Variants in PPP1R12A observed in about 807,000 individuals in gnomAD.
The protein encoded by PPP1R12A is myosin binding subunit.
PPP1R12A carries 19 observed loss-of-function variants against 139.6 expected under a neutral mutation model. The ratio of observed to expected loss-of-function variants is 0.14; its 90% CI spans 0.09 to 0.20. The LOEUF is 0.20. Among genes scored for constraint, PPP1R12A ranks in the 10% least tolerant of loss-of-function variants. PPP1R12A has a pLI of 1.00. For synonymous variants in PPP1R12A, 427 were observed against 420.6 expected (o/e 1.02, Z -0.19); for missense variants, 925 against 1,211.5 (o/e 0.76, Z 3.51).
chr12:79,786,688 T>G, intron 21 of PPP1R12A: 1 of 355,690 alleles, frequency 2.8e-6, no homozygotes, highest in South Asian at 6.0e-5. Context: ...TTAGTTCCAG[T>G]ATTCAAAAAT....
chr12:79,803,342 G>A (rs1257219416), intron 14 of PPP1R12A, among the ~76,000 whole-genome samples: 1 of 152,072 alleles, frequency 6.6e-6, no homozygotes, highest in Non-Finnish European at 1.5e-5. Flanking sequence ...GCAAAGAGCT[G>A]ATCATTAAAA....
At chr12:79,862,541 A>C (rs1345359827) in intron 2 of PPP1R12A, among the ~76,000 whole-genome samples, 1 of 152,216 alleles carries the variant, frequency 6.6e-6, no homozygotes. Context: ...AGCATGTTCT[A>C]ACCCATAGCA....
intron 1 of PPP1R12A, among the ~76,000 whole-genome samples, chr12:79,885,432 T>G (rs184827682): frequency 8.7e-4 from 133 of 152,314 alleles, no homozygotes; most frequent in African/African-American, 2.8e-3. Flanking sequence ...TGCATTTTTA[T>G]CCCACTATAA....
At position 79,784,631 on chromosome 12, in the gene PPP1R12A, G is replaced by A. The variant is rs145197693; in HGVS notation, c.2907+1743C>T. Among the ~76,000 whole-genome samples the A allele has an allele frequency of 5.1e-3, 769 of 152,042 alleles. 4 individuals are homozygous for A. The highest frequency in any genetic ancestry group is 0.018 in the African/African-American group (729 of 41,500). On this transcript the variant is annotated intron_variant, in intron 22 of 24. Transcript: ENST00000450142. ...ACAGAACACTATAGTAGGGAGCAGT[G>A]GATATTTATTTATTTATTTATTTGA...
chr12:79,881,150 T>TAACC (rs2137378071), intron 1 of PPP1R12A, among the ~76,000 whole-genome samples: 1 of 152,188 alleles, frequency 6.6e-6, no homozygotes, highest in South Asian at 2.1e-4. Flanking sequence ...GACCAATGAA[T>TAACC]AACCCTACAA....
At position 79,798,562 on chromosome 12, in the gene PPP1R12A, C is replaced by T; in HGVS notation, c.2023G>A (p.Asp675Asn). 2 of 1,564,890 alleles carry T rather than the reference C, an allele frequency of 1.3e-6. No homozygotes were observed. The highest frequency in any genetic ancestry group is 2.3e-5 in the East Asian group (1 of 43,256). Residue 675 changes from aspartate to asparagine, a missense_variant, in exon 15 of 25, where the codon GAT (aspartate) becomes AAT (asparagine). Asp to Asn is a conservative substitution (Grantham distance 23). Around this residue, in one of 4 missense-constraint regions of PPP1R12A, gnomAD observed 8 missense variants for 32.0 expected, o/e 0.25. Transcript: ENST00000450142. Reference protein sequence around the residue: ...RRRSYLTPVRDEESESQRKAR... With the variant: ...RRRSYLTPVRNEESESQRKAR... ...TTTCTTTGGGATTCAGACTCTTCAT[C>T]CCTAACAGGAGTGAGGTATGATCTA...
intron 3 of PPP1R12A, among the ~76,000 whole-genome samples, chr12:79,844,776 A>G (rs1397563373): frequency 1.3e-5 from 2 of 152,088 alleles, no homozygotes; most frequent in Non-Finnish European, 2.9e-5. Context: ...ACCTCCTGCT[A>G]CTTCTGTGAC....
Position 79,809,996 on chromosome 12 carries a change from A to G in PPP1R12A, c.1254T>C (p.Ala418=). 1 of 1,611,738 alleles carries G rather than the reference A, an allele frequency of 6.2e-7. No individual in the cohort carries two copies. The highest frequency in any genetic ancestry group is 8.5e-7 in the Non-Finnish European group (1 of 1,178,978). Residue 418 remains alanine, a synonymous_variant, in exon 10 of 25, where the codon GCT becomes GCC. Transcript: ENST00000450142. ...TSPIKKFPTT[A]TKISPKEEER... ...CTTCTTCTTTGGGAGAAATTTTTGT[A>G]GCTGTGGTTGGAAACTGTGTTTATT...
intron 23 of PPP1R12A, chr12:79,779,617 T>C: frequency 3.1e-6 from 1 of 326,722 alleles, no homozygotes; most frequent in South Asian, 2.5e-5. Flanking sequence ...TTTCTTCTAC[T>C]AAATAATACA....
intron 19 of PPP1R12A, among the ~76,000 whole-genome samples, chr12:79,791,701 TTAGAG>T (rs1871890717): frequency 6.6e-6 from 1 of 152,232 alleles, no homozygotes; most frequent in Admixed American, 6.5e-5. Context: ...AAACCATTTT[TTAGAG>T]TATATAGTTC....
chr12:79,903,450 CA>C (rs35870019), intron 1 of PPP1R12A, among the ~76,000 whole-genome samples: 171 of 133,846 alleles, frequency 1.3e-3, no homozygotes, highest in Non-Finnish European at 1.3e-3. Flanking sequence ...GACTCCATCT[CA>C]AAAAAAAAAA....
intron 3 of PPP1R12A, 130 bp downstream of exon 3, chr12:79,845,172 T>C: frequency 4.4e-6 from 3 of 681,104 alleles, no homozygotes; most frequent in South Asian, 1.8e-5. Context: ...TACTGTACTA[T>C]TGTTTTGCAA....
chr12:79,888,487 A>G (rs989764952), intron 1 of PPP1R12A, among the ~76,000 whole-genome samples: 3 of 152,190 alleles, frequency 2.0e-5, no homozygotes, highest in Non-Finnish European at 2.9e-5. Context: ...AGGGGAAACA[A>G]CAGAGGGTTG....
At chr12:79,896,555 A>G (rs543846366) in intron 1 of PPP1R12A, among the ~76,000 whole-genome samples, 1 of 151,788 alleles carries the variant, frequency 6.6e-6, no homozygotes, top group African/African-American at 2.4e-5. Context: ...CTGGTCTCAA[A>G]CTCCTGGGCT....
intron 9 of PPP1R12A, among the ~76,000 whole-genome samples, chr12:79,812,849 T>C (rs1471245250): frequency 6.6e-6 from 1 of 152,192 alleles, no homozygotes; most frequent in Non-Finnish European, 1.5e-5. Flanking sequence ...TTCACAATTA[T>C]GTTAGACCTT....
In PPP1R12A at chr12:79,807,204, C is replaced by T. The variant is rs77477730; in HGVS notation, c.1655+22G>A. The T allele has an allele frequency of 1.1e-3, 1,462 of 1,347,954 alleles. 9 individuals are homozygous for T. The African/African-American group carries it at 0.019, about 17-fold the overall frequency. The allele number at this position is 1,347,954 out of a possible 1,614,324, so 83.5% of individuals were successfully genotyped here. The stretch of plus-strand genomic sequence containing the variant: ...TTTTTATAAATGAATACATAAAAAC[C>T]GCTTAAGAATAGTATTATTACCTTT... On this transcript the variant is annotated intron_variant, in intron 12 of 24. Coordinates refer to ENST00000450142, the MANE Select transcript of PPP1R12A (RefSeq NM_002480.3).
At chr12:79,817,551 C>T in intron 8 of PPP1R12A, 33 bp from the exon 9 acceptor site, 1 of 1,542,348 alleles carries the variant, frequency 6.5e-7, no homozygotes, top group Admixed American at 2.0e-5. Flanking sequence ...AGTCAAGATT[C>T]CATATATATT....
At chr12:79,935,219 C>T (rs1017795200), upstream of PPP1R12A, 7 of 1,276,410 alleles carry the variant, frequency 5.5e-6, no homozygotes, top group South Asian at 6.1e-5. Context: ...GACTGGGAGG[C>T]GCCCTTCGAC....
At chr12:79,897,374 G>C (rs1221100888) in intron 1 of PPP1R12A, among the ~76,000 whole-genome samples, 1 of 152,122 alleles carries the variant, frequency 6.6e-6, no homozygotes, top group Non-Finnish European at 1.5e-5. Flanking sequence ...CATAAAGATG[G>C]CAACAACAGT....
Sources: allele counts gnomAD v4.1 joint callset (sites outside exome capture counted in the v4.1 genomes callset), GRCh38; gene constraint gnomAD v4.1.1; regional missense constraint gnomAD v4.1.1; transcripts MANE v1.5; gene names NCBI Gene and HGNC (gene_info 2026-07-23, HGNC 2026-07-21).